Variants in PPFIA2 observed in about 807,000 individuals in gnomAD.
The protein encoded by PPFIA2 is liprin-alpha-2.
A neutral mutation model predicts 175.5 loss-of-function variants in PPFIA2; 46 were observed. The ratio of observed to expected loss-of-function variants is 0.26; its 90% confidence interval spans 0.21 to 0.34. The LOEUF is 0.34. PPFIA2 is among the 10% of genes least tolerant of loss of function. PPFIA2 has a pLI of 1.00. For synonymous variants in PPFIA2, 568 were observed against 511.4 expected, an observed-to-expected ratio of 1.11 and a Z score of -1.49; for missense variants, 1,179 against 1,506.1, an observed-to-expected ratio of 0.78 and a Z score of 3.60.
chr12:81,341,131 T>G lies in PPFIA2; in HGVS notation c.2340A>C (p.Arg780Ser), dbSNP rs770791587. ...GGAGAGTGTGAGTCATTCTGAGGGC[T>G]CTAGGGGTAGGAGGAGGAGAAGTTT... The part of the protein sequence containing the change: ...KCETSPPPTP[R>S]ALRMTHTLPS... The change falls in exon 20 of 33, where the codon AGA (arginine) becomes AGC (serine). Residue 780 changes from arginine (R) to serine (S), a missense_variant. Arg to Ser is a moderately radical substitution (Grantham distance 110, BLOSUM62 -1). Around this residue, in one of 10 missense-constraint regions of PPFIA2, gnomAD observed 223 missense variants for 241.6 expected, o/e 0.92. Coordinates refer to ENST00000549396, the MANE Select transcript of PPFIA2 (RefSeq NM_003625.5). The G allele has an allele frequency of 6.2e-7, 1 of 1,611,478 alleles. No homozygotes were observed. The highest frequency in any genetic ancestry group is 8.5e-7 in the Non-Finnish European group (1 of 1,178,158).
chr12:81,707,658 C>A (rs1217906101), intron 3 of PPFIA2, among the ~76,000 whole-genome samples: 3 of 150,302 alleles, frequency 2.0e-5, no homozygotes, highest in African/African-American at 7.3e-5. Flanking sequence ...TTGACCCAGC[C>A]ATCCCATTAC....
At chr12:81,531,411 G>GA (rs2064541197) in intron 4 of PPFIA2, among the ~76,000 whole-genome samples, 1 of 151,602 alleles carries the variant, frequency 6.6e-6, no homozygotes, top group African/African-American at 2.4e-5. Flanking sequence ...CACACATGCA[G>GA]AAAAAAGGAA....
At chr12:81,598,184 G>C (rs2059447498) in intron 4 of PPFIA2, 1 of 1,376,554 alleles carries the variant, frequency 7.3e-7, no homozygotes, top group African/African-American at 1.5e-5. Flanking sequence ...ATAGCATTTT[G>C]AATTGTTCTT....
rs916868763 is a variant in PPFIA2 at position 81,721,250 on chromosome 12, T to C, written c.249+32723A>G. ...GACCCCAGAGGTTTTCCTAGAAAAA[T>C]TTCCCTGACCAATTTTCTTTAATGA... On this transcript the variant is annotated intron_variant, in intron 3 of 32. Coordinates refer to ENST00000549396, the MANE Select transcript of PPFIA2 (RefSeq NM_003625.5). Among the ~76,000 whole-genome samples, 20 of 151,186 alleles carry C rather than the reference T, an allele frequency of 1.3e-4. No individual in the cohort carries two copies. The Admixed American group carries it at 1.3e-3, about 10-fold the overall frequency.
rs1370340713 is a variant in PPFIA2, at chr12:81,562,498, A to G, written c.304-104632T>C. On this transcript the variant is annotated intron_variant, in intron 4 of 32. Coordinates refer to ENST00000549396, the MANE Select transcript of PPFIA2 (RefSeq NM_003625.5). ...ACTTATATAGTTAGAACTGAAGATG[A>G]TAGGTAAATAAGTTTCACTGAGGAA... is the stretch of plus-strand genomic sequence containing the variant. Among the ~76,000 whole-genome samples, 9 of 152,302 alleles carry G rather than the reference A, an allele frequency of 5.9e-5. No individual in the cohort carries two copies. The East Asian group carries it at 1.2e-3, about 20-fold the overall frequency.
chr12:81,676,185 T>C (rs1008859249), intron 4 of PPFIA2, among the ~76,000 whole-genome samples: 30 of 152,194 alleles, frequency 2.0e-4, no homozygotes, highest in African/African-American at 7.0e-4. Flanking sequence ...ACTTTAGATA[T>C]ACTTTGAATT....
intron 3 of PPFIA2, among the ~76,000 whole-genome samples, chr12:81,743,458 AGGGAAAG>A (rs2082618519): frequency 7.2e-6 from 1 of 139,742 alleles, no homozygotes; most frequent in Non-Finnish European, 1.5e-5. Context: ...TTTGCTGTAA[AGGGAAAG>A]ATAAATGGTG....
At chr12:81,605,024 T>C (rs1219281050) in intron 4 of PPFIA2, among the ~76,000 whole-genome samples, 1 of 151,742 alleles carries the variant, frequency 6.6e-6, no homozygotes, top group Non-Finnish European at 1.5e-5. Context: ...GAAATGCATG[T>C]TATCAGCTTG....
rs779441269 is a variant in PPFIA2 at position 81,405,836 on chromosome 12, T to G, written c.713A>C (p.Glu238Ala). Residue 238 changes from glutamate (E) to alanine (A), a missense_variant, in exon 8 of 33, where the codon GAG (glutamate) becomes GCG (alanine). Physicochemically the swap from Glu to Ala is moderately radical, Grantham distance 107. Coordinates refer to ENST00000549396, the MANE Select transcript of PPFIA2 (RefSeq NM_003625.5). The part of the protein sequence containing the change: ...RKMASSEGST[E>A]SEHLEGMEPG... ...TTCCATCCCTTCAAGATGTTCTGAC[T>G]CTGTGGATCCCTCGCTTGATGCCAT... 1 of 1,582,902 alleles carries G rather than the reference T, an allele frequency of 6.3e-7. No individual in the cohort carries two copies. Among genetic ancestry groups the G allele is most frequent in the Non-Finnish European group, 8.6e-7 (1 of 1,162,570 alleles).
At chr12:81,480,402 C>T (rs1046873080) in intron 4 of PPFIA2, among the ~76,000 whole-genome samples, 1 of 152,054 alleles carries the variant, frequency 6.6e-6, no homozygotes, top group Non-Finnish European at 1.5e-5. Flanking sequence ...CTTCTGAAGC[C>T]TACTTCTGTC....
intron 4 of PPFIA2, among the ~76,000 whole-genome samples, chr12:81,562,129 TA>T (rs1481313739): frequency 1.3e-5 from 2 of 152,180 alleles, no homozygotes; most frequent in Admixed American, 6.5e-5. Context: ...GATCTAGTTT[TA>T]TAGGTCTGTA....
chr12:81,325,896 C>T, intron 21 of PPFIA2, 26 bp from the exon 22 acceptor site: 1 of 1,506,256 alleles, frequency 6.6e-7, no homozygotes, highest in Non-Finnish European at 9.2e-7. Context: ...ACTAAGTATT[C>T]AGATTATGTT....
At chr12:81,374,559 CT>C in intron 11 of PPFIA2, 74 bp downstream of exon 11, 4 of 1,474,178 alleles carry the variant, frequency 2.7e-6, no homozygotes, top group Non-Finnish European at 3.6e-6. Context: ...TATAGAAAAT[CT>C]TTACACATTC....
chr12:81,707,333 C>T (rs1239960253), intron 3 of PPFIA2, among the ~76,000 whole-genome samples: 1 of 151,890 alleles, frequency 6.6e-6, no homozygotes, highest in Admixed American at 6.6e-5. Context: ...AAGAAAAAAA[C>T]AAACAACCCC....
intron 4 of PPFIA2, among the ~76,000 whole-genome samples, chr12:81,661,019 G>T (rs956525267): frequency 7.2e-5 from 11 of 152,130 alleles, no homozygotes; most frequent in Non-Finnish European, 1.6e-4. Context: ...TCACCACCAG[G>T]CCTGCACTAA....
intron 3 of PPFIA2, among the ~76,000 whole-genome samples, chr12:81,752,166 T>C (rs549638724): frequency 6.6e-6 from 1 of 152,162 alleles, no homozygotes; most frequent in Non-Finnish European, 1.5e-5. Context: ...CCAGTACACA[T>C]TGAAGGTATG....
intron 15 of PPFIA2, 35 bp downstream of exon 15, chr12:81,362,658 A>G (rs905348292): frequency 2.2e-6 from 3 of 1,373,448 alleles, no homozygotes; most frequent in Non-Finnish European, 3.0e-6. Flanking sequence ...GTTGATTTTC[A>G]GTGAATTATA....
chr12:81,385,671 T>G (rs1189196699), intron 8 of PPFIA2, among the ~76,000 whole-genome samples: 1 of 151,990 alleles, frequency 6.6e-6, no homozygotes, highest in Non-Finnish European at 1.5e-5. Flanking sequence ...CTCATAGAAG[T>G]TGATAGAAGA....
At chr12:81,432,860 C>T (rs1337751209) in intron 7 of PPFIA2, among the ~76,000 whole-genome samples, 1 of 152,042 alleles carries the variant, frequency 6.6e-6, no homozygotes, top group Non-Finnish European at 1.5e-5. Flanking sequence ...TGTTAAAGTA[C>T]CATGATTAGA....
Sources: gnomAD v4.1 joint callset for allele counts (sites outside exome capture counted in the v4.1 genomes callset) on GRCh38, gnomAD v4.1.1 for gene constraint, gnomAD v4.1.1 regional missense constraint, MANE v1.5 for transcripts, NCBI Gene and HGNC (gene_info 2026-07-23, HGNC 2026-07-21) for gene names.